Variants in GOLGA3 observed in about 807,000 individuals in gnomAD.
GOLGA3 encodes the protein golgin subfamily A member 3.
GOLGA3 carries 75 observed loss-of-function variants against 169.4 expected under a neutral mutation model. The ratio of observed to expected loss-of-function variants is 0.44; its 90% CI spans 0.37 to 0.54. The LOEUF (loss-of-function observed/expected upper bound fraction) is 0.54. GOLGA3 is among the 20% of genes least tolerant of loss of function. The probability of loss-of-function intolerance (pLI) is 0.00; values close to 1 mark genes in which losing one functional copy is unlikely to be tolerated. For missense variants in GOLGA3, 1,899 were observed against 1,930.0 expected, an observed-to-expected ratio of 0.98 and a Z score of 0.30; for synonymous variants, 824 against 822.4, an observed-to-expected ratio of 1.00 and a Z score of -0.03.
rs779415345 is a variant in GOLGA3 at position 132,808,582 on chromosome 12, T to G, written c.520-33A>C. The G allele has an allele frequency of 2.0e-6, 3 of 1,519,662 alleles. No homozygotes were observed. In the East Asian group the frequency reaches 6.8e-5, roughly 34 times the overall value. 94.1% of individuals were successfully genotyped at this position (1,519,662 alleles called of 1,614,324 possible). ...GAAAACAAAAGTACAAAAATTACAT[T>G]TAAAATCCACAAGCAGCATACTTAA... On this transcript the variant is annotated intron_variant, in intron 4 of 23. Coordinates refer to ENST00000450791, the MANE Select transcript of GOLGA3 (RefSeq NM_001389683.1).
intron 1 of GOLGA3, among the ~76,000 whole-genome samples, chr12:132,827,139 G>A (rs556744834): frequency 2.0e-5 from 3 of 148,034 alleles, no homozygotes; most frequent in Non-Finnish European, 3.0e-5. Flanking sequence ...AAACATTCAC[G>A]GCTCCATCTA....
At chr12:132,790,749 T>TA (rs957330616) in intron 12 of GOLGA3, among the ~76,000 whole-genome samples, 4 of 151,510 alleles carry the variant, frequency 2.6e-5, no homozygotes, top group Non-Finnish European at 5.9e-5. Context: ...TAAGTACCTT[T>TA]AAAAAAAGTT....
intron 1 of GOLGA3, among the ~76,000 whole-genome samples, chr12:132,823,190 G>A (rs939328897): frequency 2.9e-4 from 44 of 152,230 alleles, no homozygotes; most frequent in African/African-American, 1.1e-3. Flanking sequence ...TTTACCTCTA[G>A]CTGGGTTAGC....
rs146761027 is a variant in GOLGA3, at chr12:132,789,048, G to A, written c.2790C>T (p.Asp930=). The A allele has an allele frequency of 2.5e-5, 40 of 1,575,146 alleles. No homozygotes were observed. The highest frequency in any genetic ancestry group is 1.7e-4 in the Middle Eastern group (1 of 5,840). The change falls in exon 13 of 24, where the codon GAC becomes GAT. Residue 930 remains aspartate (D), a synonymous_variant. Transcript: ENST00000450791. ...GHLQSAQKER[D]EMETHLQSLQ... is the part of the protein sequence containing the mutation. ...AGACCTGCAAGTGTGTTTCCATCTC[G>A]TCTCGCTCCTTCTGCGCCGACTGGA... is the stretch of plus-strand genomic sequence containing the variant.
chr12:132,796,759 G>A (rs143743162), intron 9 of GOLGA3, 59 bp from the exon 10 acceptor site: 673 of 1,532,336 alleles, frequency 4.4e-4, no homozygotes, highest in Middle Eastern at 1.5e-3. Context: ...AACAGCAGCC[G>A]GTGGCCCCGT....
intron 18 of GOLGA3, among the ~76,000 whole-genome samples, chr12:132,780,573 C>A (rs1000231201): frequency 6.6e-6 from 1 of 152,252 alleles, no homozygotes; most frequent in African/African-American, 2.4e-5. Flanking sequence ...CACATGCACG[C>A]GGAGCTCATT....
At position 132,791,254 on chromosome 12, in the gene GOLGA3, G is replaced by C; in HGVS notation, c.2509C>G (p.Gln837Glu). 3 of 1,608,086 alleles carry C rather than the reference G, an allele frequency of 1.9e-6. No homozygotes were observed. The highest frequency in any genetic ancestry group is 2.6e-6 in the Non-Finnish European group (3 of 1,175,912). The part of the protein sequence containing the change: ...LQQETAALKK[Q>E]MQKIKEQFLQ... ...AACTGTTCCTTTATTTTTTGCATTT[G>C]CTTTTTCAGAGCAGCAGTCTCCTGC... The change falls in exon 12 of 24, where the codon CAA (glutamine) becomes GAA (glutamate). Residue 837 changes from glutamine to glutamate, a missense_variant. Gln to Glu is a conservative substitution (Grantham distance 29). Coordinates refer to ENST00000450791, the MANE Select transcript of GOLGA3 (RefSeq NM_001389683.1).
chr12:132,821,232 C>G (rs563487326), intron 2 of GOLGA3, among the ~76,000 whole-genome samples: 1 of 150,758 alleles, frequency 6.6e-6, no homozygotes, highest in African/African-American at 2.4e-5. Context: ...CATGGAGAAA[C>G]CTCATCTCTA....
At chr12:132,784,981 A>C (rs948394305) in intron 15 of GOLGA3, among the ~76,000 whole-genome samples, 2 of 152,248 alleles carry the variant, frequency 1.3e-5, no homozygotes, top group Non-Finnish European at 2.9e-5. Context: ...CGATGGTACC[A>C]GGCCCTTGCC....
At chr12:132,783,416 G>A (rs975332248) in intron 16 of GOLGA3, among the ~76,000 whole-genome samples, 1 of 152,220 alleles carries the variant, frequency 6.6e-6, no homozygotes, top group East Asian at 1.9e-4. Context: ...AGCAGGGTGG[G>A]CATGAGCAAA....
Position 132,813,297 on chromosome 12 carries a change from G to A in GOLGA3, c.519+10C>T, listed in dbSNP as rs531531610. The A allele has an allele frequency of 1.3e-6, 2 of 1,565,810 alleles. No individual in the cohort carries two copies. The highest frequency in any genetic ancestry group is 1.8e-6 in the Non-Finnish European group (2 of 1,136,666). ...CTTTCCATGAGCTTGTTCGGGAGAGGGAGACTCACCCTCTCCTGCTGGCGC... is the reference window on the plus strand; with the variant it reads ...CTTTCCATGAGCTTGTTCGGGAGAGAGAGACTCACCCTCTCCTGCTGGCGC... On this transcript the variant is annotated intron_variant, in intron 4 of 23. Coordinates refer to ENST00000450791, the MANE Select transcript of GOLGA3 (RefSeq NM_001389683.1).
intron 2 of GOLGA3, among the ~76,000 whole-genome samples, chr12:132,817,028 G>A (rs1283095629): frequency 2.0e-5 from 3 of 152,022 alleles, no homozygotes; most frequent in South Asian, 2.1e-4. Context: ...TGGTGTCCAC[G>A]TCCTTCCTGT....
At position 132,777,070 on chromosome 12, in the gene GOLGA3, G is replaced by A. The variant is rs2045287491; in HGVS notation, c.3743C>T (p.Ser1248Phe). 1 of 1,597,310 alleles carries A rather than the reference G, an allele frequency of 6.3e-7. No homozygotes were observed. The highest frequency in any genetic ancestry group is 8.5e-7 in the Non-Finnish European group (1 of 1,174,256). The change falls in exon 20 of 24, where the codon TCC becomes TTC. Residue 1248 changes from serine to phenylalanine, a missense_variant. Coordinates refer to ENST00000450791, the MANE Select transcript of GOLGA3 (RefSeq NM_001389683.1). The surrounding 1 kb of genome is among the most constrained non-coding windows in gnomAD (Gnocchi z 4.7). The part of the protein sequence containing the change: ...DDLQIREGKH[S>F]QEIAQFQAEL... ...TGCTTGGAACTGTGCTATCTCCTGG[G>A]AATGTTTCCCCTCCCGAATCCTAGC...
intron 21 of GOLGA3, among the ~76,000 whole-genome samples, chr12:132,775,781 C>G (rs1009321055): frequency 1.3e-5 from 2 of 152,236 alleles, no homozygotes; most frequent in African/African-American, 4.8e-5. Flanking sequence ...CACTGTAACT[C>G]AAGCCCCTCA....
chr12:132,788,802 A>C (rs1242994418), intron 13 of GOLGA3, among the ~76,000 whole-genome samples: 1 of 152,004 alleles, frequency 6.6e-6, no homozygotes, highest in Non-Finnish European at 1.5e-5. Flanking sequence ...TGGACTTATC[A>C]GGCCTCACCG....
intron 15 of GOLGA3, among the ~76,000 whole-genome samples, chr12:132,785,538 C>T (rs1478557105): frequency 1.3e-5 from 2 of 152,132 alleles, no homozygotes; most frequent in Non-Finnish European, 2.9e-5. Flanking sequence ...GTCTCAAACT[C>T]CTGTGCTCAA....
intron 23 of GOLGA3, 43 bp from the exon 24 acceptor site, chr12:132,773,337 G>C (rs1183271597): frequency 7.8e-7 from 1 of 1,276,476 alleles, no homozygotes; most frequent in African/African-American, 1.5e-5. Context: ...TCACACAAGT[G>C]CCAGGCAGAA....
In GOLGA3 at chr12:132,801,852, T is replaced by C. The variant is rs538504302; in HGVS notation, c.1715A>G (p.Gln572Arg). The change falls in exon 8 of 24, where the codon CAG becomes CGG. Residue 572 changes from glutamine (Q) to arginine (R), a missense_variant. Gln to Arg is a conservative substitution (Grantham distance 43). Coordinates refer to ENST00000450791, the MANE Select transcript of GOLGA3 (RefSeq NM_001389683.1). The stretch of plus-strand genomic sequence containing the variant: ...CTGCTGGTACCACTGCCGGACACTC[T>C]GCAGGGACGAGATCTCCGCCTGCGA... ...KASQAEISSL[Q>R]SVRQWYQQQL... 2 of 1,607,858 alleles carry C rather than the reference T, an allele frequency of 1.2e-6. No individual in the cohort carries two copies. The highest frequency in any genetic ancestry group is 1.3e-5 in the African/African-American group (1 of 75,034).
intron 12 of GOLGA3, among the ~76,000 whole-genome samples, chr12:132,789,826 A>T (rs2046128327): frequency 7.2e-6 from 1 of 139,764 alleles, no homozygotes; most frequent in Non-Finnish European, 1.6e-5. Flanking sequence ...TGAGGTCAGG[A>T]GTTCAACCAG....
Sources: allele counts gnomAD v4.1 joint callset (sites outside exome capture counted in the v4.1 genomes callset), GRCh38; gene constraint gnomAD v4.1.1; non-coding constraint Gnocchi (gnomAD v3.1); transcripts MANE v1.5; gene names NCBI Gene and HGNC (gene_info 2026-07-23, HGNC 2026-07-21).